FUT8: variants seen among roughly 807,000 people sequenced by gnomAD.
FUT8 encodes the protein alpha-(1,6)-fucosyltransferase.
A neutral mutation model predicts 71.3 loss-of-function variants in FUT8; 29 were observed. That is an observed-to-expected ratio of 0.41 (90% CI 0.30 to 0.55). The LOEUF is 0.55. FUT8 is among the 20% of genes least tolerant of loss of function. FUT8 has a pLI of 0.34. For synonymous variants in FUT8, 254 were observed against 239.3 expected (o/e 1.06, Z -0.57); for missense variants, 544 against 702.1 (o/e 0.77, Z 2.55).
chr14:65,717,139 TC>T, intron 7 of FUT8, among the ~76,000 whole-genome samples: 1 of 117,592 alleles, frequency 8.5e-6, no homozygotes, highest in Admixed American at 9.1e-5. Context: ...GCTCCTCATT[TC>T]CCAGATGGGG....
At chr14:65,562,908 A>C (rs181879547) in intron 3 of FUT8, among the ~76,000 whole-genome samples, 29 of 152,164 alleles carry the variant, frequency 1.9e-4, no homozygotes, top group African/African-American at 6.5e-4. Flanking sequence ...GAGGATGCCC[A>C]TGGTGCTCTC....
intron 7 of FUT8, among the ~76,000 whole-genome samples, chr14:65,704,351 T>A (rs536785943): frequency 7.0e-4 from 106 of 151,926 alleles, no homozygotes; most frequent in African/African-American, 2.3e-3. Flanking sequence ...TTTTTTTTTT[T>A]AAATAGGGCA....
the FUT8 span, among the ~76,000 whole-genome samples, chr14:65,392,207 C>G: frequency 6.6e-6 from 1 of 152,338 alleles, no homozygotes; most frequent in Non-Finnish European, 1.5e-5. Flanking sequence ...GCTGGGATTA[C>G]AGGCATGAGC....
chr14:65,729,544 T>TTA (rs1002255958), intron 9 of FUT8, among the ~76,000 whole-genome samples: 5 of 144,786 alleles, frequency 3.5e-5, no homozygotes, highest in African/African-American at 1.2e-4. Flanking sequence ...TTTTTTTTTT[T>TTA]TAAATACAGG....
intron 2 of FUT8, among the ~76,000 whole-genome samples, chr14:65,459,635 A>T (rs1233868382): frequency 1.3e-5 from 2 of 152,172 alleles, no homozygotes; most frequent in African/African-American, 4.8e-5. Context: ...CTACACTGCA[A>T]TGTCTCCAGA....
At chr14:65,570,167 A>G (rs1594777338) in intron 3 of FUT8, among the ~76,000 whole-genome samples, 4 of 152,188 alleles carry the variant, frequency 2.6e-5, no homozygotes, top group Admixed American at 2.6e-4. Flanking sequence ...TCTTAAAATT[A>G]CTGTCTAGCC....
At chr14:65,568,199 A>T (rs988105900) in intron 3 of FUT8, among the ~76,000 whole-genome samples, 1 of 151,716 alleles carries the variant, frequency 6.6e-6, no homozygotes, top group Non-Finnish European at 1.5e-5. Flanking sequence ...CAAATGTTCT[A>T]GCTTAAAATT....
At chr14:65,548,227 A>G (rs1292998499) in intron 2 of FUT8, among the ~76,000 whole-genome samples, 5 of 151,964 alleles carry the variant, frequency 3.3e-5, no homozygotes, top group Admixed American at 3.3e-4. Context: ...AAGGGACTTT[A>G]TAATCATCCC....
intron 2 of FUT8, among the ~76,000 whole-genome samples, chr14:65,458,791 CTT>C (rs748466416): frequency 2.1e-4 from 29 of 135,492 alleles, no homozygotes; most frequent in Non-Finnish European, 2.6e-4. Context: ...TCTTTTCTTT[CTT>C]TTTTTTTTTT....
rs1026411087 is a variant in FUT8, at chr14:65,660,784, A to G, written c.598-8459A>G. Among the ~76,000 whole-genome samples the G allele has an allele frequency of 4.6e-5, 7 of 152,130 alleles. No homozygotes were observed. Among genetic ancestry groups the G allele is most frequent in the Non-Finnish European group, 7.4e-5 (5 of 67,996 alleles). On this transcript the variant is annotated intron_variant, in intron 6 of 10. Transcript: ENST00000673929. The surrounding 1 kb of genome is among the most constrained non-coding windows in gnomAD (Gnocchi z 4.1). ...AGCATGCTTTTTAATTGCCTCTTTC[A>G]TGGTTATTAACTGAGTCTTCATTTT...
chr14:65,605,984 A>G lies in FUT8; in HGVS notation c.204-9994A>G, dbSNP rs557685511. On this transcript the variant is annotated intron_variant, in intron 3 of 10. Transcript: ENST00000673929. ...TTTGAAGGAGTTCTTTATAAAATCT[A>G]TATAATAATCCTACATTAATTATAT... Among the ~76,000 whole-genome samples the G allele has an allele frequency of 5.9e-5, 9 of 151,900 alleles. No homozygotes were observed. The East Asian group carries it at 7.7e-4, about 13-fold the overall frequency.
intron 3 of FUT8, among the ~76,000 whole-genome samples, chr14:65,611,211 G>A (rs1390286282): frequency 0.06 from 696 of 11,604 alleles, 99 homozygotes; most frequent in East Asian, 0.34. Flanking sequence ...GCGCGCGCGC[G>A]CGCGCGCGCG....
At chr14:65,484,549 C>T (rs1257323406) in intron 2 of FUT8, among the ~76,000 whole-genome samples, 1 of 151,864 alleles carries the variant, frequency 6.6e-6, no homozygotes, top group Non-Finnish European at 1.5e-5. Flanking sequence ...TGGCACACAC[C>T]TGTAGTCCCA....
intron 2 of FUT8, among the ~76,000 whole-genome samples, chr14:65,493,798 C>T (rs1418325401): frequency 6.6e-6 from 1 of 151,488 alleles, no homozygotes; most frequent in East Asian, 1.9e-4. Flanking sequence ...AAAATTTTCT[C>T]CTTTTTTTTT....
chr14:65,521,912 T>C (rs542616337), intron 2 of FUT8, among the ~76,000 whole-genome samples: 1 of 151,982 alleles, frequency 6.6e-6, no homozygotes, highest in East Asian at 1.9e-4. Context: ...TATTTCAAGC[T>C]ACAGAGGTCT....
intron 5 of FUT8, among the ~76,000 whole-genome samples, chr14:65,626,762 G>GT (rs1180822449): frequency 6.6e-6 from 1 of 152,084 alleles, no homozygotes; most frequent in African/African-American, 2.4e-5. Flanking sequence ...AATGCTTTAT[G>GT]TTTTTAGTTA....
At chr14:65,681,143 G>A (rs1425355149) in intron 7 of FUT8, among the ~76,000 whole-genome samples, 1 of 152,140 alleles carries the variant, frequency 6.6e-6, no homozygotes, top group Non-Finnish European at 1.5e-5. Context: ...TATACTGTGA[G>A]TTCTTTAAGA....
chr14:65,438,097 CTAAAG>C (rs561717269), intron 1 of FUT8, among the ~76,000 whole-genome samples: 50 of 152,212 alleles, frequency 3.3e-4, no homozygotes, highest in Admixed American at 1.5e-3. Flanking sequence ...AAGAAGTTGT[CTAAAG>C]TAAAATCAAA....
chr14:65,467,832 G>A lies in FUT8; in HGVS notation c.-228+12114G>A. Reference sequence around the variant, plus strand: ...TTATGCTATGAATTCACAGGGAATAGGTTCCAGCAGCTCAGGCTCCTTCCC... The same window carrying A: ...TTATGCTATGAATTCACAGGGAATAAGTTCCAGCAGCTCAGGCTCCTTCCC... On this transcript the variant is annotated intron_variant, in intron 2 of 10. Transcript: ENST00000673929. This position sits in a 1 kb window ranked among gnomAD's most constrained non-coding sequence, Gnocchi z 4.1. 1.3e-6 allele frequency: 1 copy of A among 774,556 alleles called. No homozygotes were observed. Among genetic ancestry groups the A allele is most frequent in the Non-Finnish European group, 2.4e-6 (1 of 422,392 alleles). 48.0% of individuals were successfully genotyped at this position (774,556 alleles called of 1,614,324 possible).
Sources: gnomAD v4.1 joint callset for allele counts (sites outside exome capture counted in the v4.1 genomes callset) on GRCh38, gnomAD v4.1.1 for gene constraint, Gnocchi (gnomAD v3.1) non-coding constraint, MANE v1.5 for transcripts, NCBI Gene and HGNC (gene_info 2026-07-23, HGNC 2026-07-21) for gene names.